GRIN2A: variants seen among roughly 807,000 people sequenced by gnomAD.
The protein encoded by GRIN2A is glutamate ionotropic receptor NMDA type subunit 2A.
A neutral mutation model predicts 113.4 loss-of-function variants in GRIN2A; 22 were observed. The observed-to-expected ratio is 0.19, with a 90% CI of 0.14 to 0.28. The LOEUF (loss-of-function observed/expected upper bound fraction) is 0.28. GRIN2A is among the 10% of genes least tolerant of loss of function. The pLI is 1.00. For missense variants in GRIN2A, 1,502 were observed against 1,887.0 expected (o/e 0.80, Z 3.78); for synonymous variants, 827 against 738.4 (o/e 1.12, Z -1.94).
intron 2 of GRIN2A, among the ~76,000 whole-genome samples, chr16:10,035,975 G>A (rs975758409): frequency 2.6e-5 from 4 of 152,106 alleles, no homozygotes; most frequent in African/African-American, 9.7e-5. Context: ...CCGCCTGCCT[G>A]GGCCTCCCAA....
At chr16:9,961,375 T>C (rs999469478) in intron 2 of GRIN2A, among the ~76,000 whole-genome samples, 16 of 152,198 alleles carry the variant, frequency 1.1e-4, no homozygotes, top group Non-Finnish European at 1.0e-4. Context: ...AAGAGGTTTC[T>C]ACACTTATCC....
intron 2 of GRIN2A, among the ~76,000 whole-genome samples, chr16:10,179,175 G>C (rs976941276): frequency 6.6e-6 from 1 of 151,978 alleles, no homozygotes. Flanking sequence ...CTCTCATTCA[G>C]AGCCAACTGA....
chr16:9,831,608 C>T (rs1009038867), intron 8 of GRIN2A, among the ~76,000 whole-genome samples: 20 of 151,374 alleles, frequency 1.3e-4, no homozygotes, highest in Admixed American at 2.6e-4. Flanking sequence ...CTCCACTTCC[C>T]GGGTTCAAGG....
chr16:10,142,004 T>C (rs2049336104), intron 2 of GRIN2A, among the ~76,000 whole-genome samples: 1 of 152,226 alleles, frequency 6.6e-6, no homozygotes, highest in Non-Finnish European at 1.5e-5. Context: ...CTGCCTCTCC[T>C]ATCACACTCA....
At chr16:10,025,088 G>C (rs1468379409) in intron 2 of GRIN2A, among the ~76,000 whole-genome samples, 1 of 151,656 alleles carries the variant, frequency 6.6e-6, no homozygotes, top group African/African-American at 2.4e-5. Context: ...GAGATGGAGA[G>C]GAAAAGAGAG....
chr16:9,794,606 T>C (rs906463037), intron 11 of GRIN2A: 1 of 152,192 alleles, frequency 6.6e-6, no homozygotes, highest in Non-Finnish European at 1.5e-5. Context: ...CTCCCAAGTC[T>C]TATGCCTCCC....
chr16:9,925,700 C>G (rs1461660226), intron 3 of GRIN2A, among the ~76,000 whole-genome samples: 2 of 152,140 alleles, frequency 1.3e-5, no homozygotes, highest in African/African-American at 4.8e-5. Context: ...TAAAAACAAT[C>G]ATTTCAAATT....
chr16:10,044,044 G>GAC (rs1567258025), intron 2 of GRIN2A, among the ~76,000 whole-genome samples: 2 of 143,690 alleles, frequency 1.4e-5, no homozygotes. Flanking sequence ...GAGAGAGAGA[G>GAC]AGACAGAGAC....
chr16:10,032,008 T>G (rs908150843), intron 2 of GRIN2A, among the ~76,000 whole-genome samples: 2 of 152,242 alleles, frequency 1.3e-5, no homozygotes, highest in Admixed American at 6.5e-5. Context: ...CAGGGAACCT[T>G]CTCTGACCTT....
chr16:9,967,913 A>T (rs1416824984), intron 2 of GRIN2A, among the ~76,000 whole-genome samples: 1 of 152,214 alleles, frequency 6.6e-6, no homozygotes, highest in Non-Finnish European at 1.5e-5. Context: ...ATTTTAAAAC[A>T]GTATGAATTA....
intron 2 of GRIN2A, among the ~76,000 whole-genome samples, chr16:10,136,903 T>G (rs2142239178): frequency 6.6e-6 from 1 of 152,256 alleles, no homozygotes; most frequent in South Asian, 2.1e-4. Flanking sequence ...GAAAGAGAAG[T>G]GAGACAGGGA....
At chr16:9,941,649 C>T (rs1021242403) in intron 2 of GRIN2A, among the ~76,000 whole-genome samples, 1 of 152,150 alleles carries the variant, frequency 6.6e-6, no homozygotes, top group Non-Finnish European at 1.5e-5. Context: ...AGCTCCAATC[C>T]TCATTATGTG....
intron 2 of GRIN2A, among the ~76,000 whole-genome samples, chr16:10,040,053 C>CG (rs1170802516): frequency 3.8e-3 from 3 of 786 alleles, no homozygotes; most frequent in Non-Finnish European, 5.8e-3. Flanking sequence ...CCACACACCA[C>CG]CATAAATACA....
intron 4 of GRIN2A, among the ~76,000 whole-genome samples, chr16:9,889,623 A>C (rs1023043914): frequency 6.6e-6 from 1 of 152,164 alleles, no homozygotes; most frequent in Non-Finnish European, 1.5e-5. Flanking sequence ...GTGTGCCTTC[A>C]ATCTTATTCC....
chr16:9,931,913 T>C (rs1596609231), intron 3 of GRIN2A, among the ~76,000 whole-genome samples: 1 of 152,198 alleles, frequency 6.6e-6, no homozygotes, highest in East Asian at 1.9e-4. Flanking sequence ...CAGGCTAAAA[T>C]GTGATATGAA....
intron 7 of GRIN2A, among the ~76,000 whole-genome samples, chr16:9,835,299 C>G (rs2042567158): frequency 6.6e-6 from 1 of 152,144 alleles, no homozygotes; most frequent in Non-Finnish European, 1.5e-5. Flanking sequence ...GTTATTTCCA[C>G]TAAAAGTAGT....
chr16:10,090,565 A>G (rs956022511), intron 2 of GRIN2A, among the ~76,000 whole-genome samples: 4 of 152,176 alleles, frequency 2.6e-5, no homozygotes, highest in African/African-American at 4.8e-5. Flanking sequence ...TATAACAACT[A>G]AAACTATAAG....
At chr16:9,869,751 C>T (rs977753411) in intron 4 of GRIN2A, among the ~76,000 whole-genome samples, 2 of 152,208 alleles carry the variant, frequency 1.3e-5, no homozygotes, top group African/African-American at 4.8e-5. Flanking sequence ...GAACTATCTG[C>T]CACATAGTCC....
intron 3 of GRIN2A, among the ~76,000 whole-genome samples, chr16:9,893,588 T>C (rs2043742890): frequency 6.6e-6 from 1 of 152,196 alleles, no homozygotes; most frequent in Non-Finnish European, 1.5e-5. Flanking sequence ...TGCCTCAGCC[T>C]TCCAAGTAGC....
Sources: allele counts gnomAD v4.1 joint callset (sites outside exome capture counted in the v4.1 genomes callset), GRCh38; gene constraint gnomAD v4.1.1; transcripts MANE v1.5; gene names NCBI Gene and HGNC (gene_info 2026-07-23, HGNC 2026-07-21).